Variants in NKAIN3 observed in about 807,000 individuals in gnomAD.
NKAIN3 encodes the protein sodium/potassium-transporting ATPase subunit beta-1-interacting protein 3.
NKAIN3 carries 25 observed loss-of-function variants against 30.2 expected under a neutral mutation model. The observed-to-expected ratio is 0.83, with a 90% CI of 0.60 to 1.16. The LOEUF (loss-of-function observed/expected upper bound fraction) is 1.16. NKAIN3 is among the 50% of genes most tolerant of loss of function. The pLI, the probability that NKAIN3 is intolerant of heterozygous loss-of-function variation, is 0.00. For missense variants in NKAIN3, 225 were observed against 254.1 expected (o/e 0.89, Z 0.78); for synonymous variants, 91 against 89.6 (o/e 1.02, Z -0.09).
chr8:62,284,566 G>GT (rs1361860247), intron 1 of NKAIN3, among the ~76,000 whole-genome samples: 1 of 151,986 alleles, frequency 6.6e-6, no homozygotes, highest in Non-Finnish European at 1.5e-5. Flanking sequence ...GTAGGTGGAG[G>GT]TTGCACTGAG....
At chr8:62,411,287 T>G (rs1479685278) in intron 1 of NKAIN3, among the ~76,000 whole-genome samples, 1 of 152,082 alleles carries the variant, frequency 6.6e-6, no homozygotes, top group African/African-American at 2.4e-5. Context: ...TAAACAGAAT[T>G]AAAAGCAAAA....
At chr8:62,729,418 G>T (rs963006896) in intron 3 of NKAIN3, among the ~76,000 whole-genome samples, 1 of 152,094 alleles carries the variant, frequency 6.6e-6, no homozygotes, top group African/African-American at 2.4e-5. Context: ...TTCAATACTG[G>T]GTGTAACGCA....
intron 1 of NKAIN3, among the ~76,000 whole-genome samples, chr8:62,574,598 T>TA (rs1810049496): frequency 6.6e-6 from 1 of 152,112 alleles, no homozygotes; most frequent in African/African-American, 2.4e-5. Flanking sequence ...TGGAACAGCA[T>TA]AAAGAACCCA....
chr8:62,604,511 A>T (rs957448142), intron 3 of NKAIN3, among the ~76,000 whole-genome samples: 7 of 152,168 alleles, frequency 4.6e-5, no homozygotes, highest in African/African-American at 1.7e-4. Context: ...ACCAGATGGA[A>T]TATCTCACAA....
chr8:62,648,755 C>G (rs1812541145), intron 3 of NKAIN3, among the ~76,000 whole-genome samples: 2 of 152,156 alleles, frequency 1.3e-5, no homozygotes, highest in African/African-American at 2.4e-5. Flanking sequence ...CTTAGTTAAT[C>G]TAGGCAGCTC....
chr8:62,919,167 T>G (rs1180540205), intron 5 of NKAIN3, among the ~76,000 whole-genome samples: 1 of 150,410 alleles, frequency 6.6e-6, no homozygotes, highest in Non-Finnish European at 1.5e-5. Flanking sequence ...CCTGCTGATG[T>G]ATAAGACACT....
intron 5 of NKAIN3, among the ~76,000 whole-genome samples, chr8:62,919,694 A>G (rs376894242): frequency 1.3e-5 from 2 of 152,328 alleles, no homozygotes; most frequent in East Asian, 3.9e-4. Flanking sequence ...GTAGCTAGCC[A>G]TTGTAACTTC....
At chr8:62,935,664 G>A (rs62508077) in intron 5 of NKAIN3, among the ~76,000 whole-genome samples, 4,312 of 152,192 alleles carry the variant, frequency 0.028, 88 homozygotes, top group Non-Finnish European at 0.043. Flanking sequence ...AAAGAGAGAC[G>A]TTAGTCACTC....
intron 4 of NKAIN3, among the ~76,000 whole-genome samples, chr8:62,869,202 T>G (rs540497815): frequency 3.9e-5 from 6 of 152,310 alleles, no homozygotes; most frequent in Middle Eastern, 3.4e-3. Flanking sequence ...CGTGCAGGTT[T>G]GTTATATAGG....
intron 1 of NKAIN3, among the ~76,000 whole-genome samples, chr8:62,498,030 G>T (rs1309131693): frequency 6.6e-6 from 1 of 152,228 alleles, no homozygotes; most frequent in East Asian, 1.9e-4. Flanking sequence ...GTGCTCATGT[G>T]TTTACAAATG....
chr8:62,537,183 G>A (rs931699013), intron 1 of NKAIN3, among the ~76,000 whole-genome samples: 3 of 152,172 alleles, frequency 2.0e-5, no homozygotes, highest in South Asian at 2.1e-4. Context: ...GGAAGAATTC[G>A]CTATGTAATT....
intron 4 of NKAIN3, among the ~76,000 whole-genome samples, chr8:62,850,759 T>C (rs1364179318): frequency 1.3e-5 from 2 of 152,112 alleles, no homozygotes; most frequent in African/African-American, 4.8e-5. Context: ...AAAGATCAAA[T>C]GGTTGTAGAT....
intron 4 of NKAIN3, among the ~76,000 whole-genome samples, chr8:62,910,536 A>G (rs1288831847): frequency 3.9e-5 from 6 of 152,118 alleles, no homozygotes; most frequent in Admixed American, 3.3e-4. Context: ...TCACATAAAA[A>G]TTTCCTGCAA....
intron 4 of NKAIN3, among the ~76,000 whole-genome samples, chr8:62,886,817 T>G (rs1194554421): frequency 6.6e-6 from 1 of 152,128 alleles, no homozygotes; most frequent in South Asian, 2.1e-4. Flanking sequence ...TCTCCCTCCT[T>G]GGCCTCCACC....
At chr8:62,423,463 T>C (rs1212575253) in intron 1 of NKAIN3, among the ~76,000 whole-genome samples, 5 of 150,376 alleles carry the variant, frequency 3.3e-5, no homozygotes, top group Non-Finnish European at 7.4e-5. Context: ...TATTCATCTA[T>C]TCACACCAAC....
intron 6 of NKAIN3, among the ~76,000 whole-genome samples, chr8:62,959,510 T>C (rs1823511179): frequency 6.6e-6 from 1 of 151,076 alleles, no homozygotes. Flanking sequence ...CAAACCTTGA[T>C]TTAAAAACCA....
intron 5 of NKAIN3, among the ~76,000 whole-genome samples, chr8:62,925,605 A>G (rs1370851752): frequency 1.3e-5 from 2 of 152,164 alleles, no homozygotes; most frequent in African/African-American, 2.4e-5. Context: ...GATGTTAGAA[A>G]TGATTTCAGT....
At chr8:62,986,308 A>G (rs1824197049), downstream of NKAIN3, among the ~76,000 whole-genome samples, 1 of 152,222 alleles carries the variant, frequency 6.6e-6, no homozygotes, top group Admixed American at 6.5e-5. Context: ...GTTTTGGGTT[A>G]AACGAATGTT....
intron 1 of NKAIN3, among the ~76,000 whole-genome samples, chr8:62,316,425 C>T (rs964130028): frequency 1.3e-5 from 2 of 151,808 alleles, no homozygotes; most frequent in Non-Finnish European, 2.9e-5. Flanking sequence ...TGCTATCCCC[C>T]CCCTCCTCCC....
Sources: gnomAD v4.1 joint callset for allele counts (sites outside exome capture counted in the v4.1 genomes callset) on GRCh38, gnomAD v4.1.1 for gene constraint, MANE v1.5 for transcripts, NCBI Gene and HGNC (gene_info 2026-07-23, HGNC 2026-07-21) for gene names.